The following CEP83 variants were observed in gnomAD, a reference collection of about 807,000 sequenced individuals.
CEP83 encodes centrosomal protein of 83 kDa.
CEP83 carries 70 observed loss-of-function variants against 101.9 expected under a neutral mutation model. The observed-to-expected ratio is 0.69, with a 90% CI of 0.57 to 0.84. CEP83 has a LOEUF of 0.84. CEP83 is among the 40% of genes least tolerant of loss of function. CEP83 has a pLI of 0.00. For missense variants in CEP83, 715 were observed against 787.2 expected, an observed-to-expected ratio of 0.91 and a Z score of 1.10; for synonymous variants, 264 against 267.9, an observed-to-expected ratio of 0.99 and a Z score of 0.14.
the CEP83 span, among the ~76,000 whole-genome samples, chr12:94,291,927 C>T: frequency 6.6e-6 from 1 of 152,168 alleles, no homozygotes; most frequent in Non-Finnish European, 1.5e-5. Context: ...CTTTTGGAGT[C>T]CCTCATGTCT....
intron 4 of CEP83, among the ~76,000 whole-genome samples, chr12:94,411,373 ACT>A (rs998574046): frequency 5.3e-5 from 8 of 151,986 alleles, no homozygotes; most frequent in Admixed American, 4.6e-4. Flanking sequence ...AATACTAGTA[ACT>A]CTTTTAAAAA....
At chr12:94,298,659 CTT>C in the CEP83 span, 1 of 1,601,588 alleles carries the variant, frequency 6.2e-7, no homozygotes, top group Non-Finnish European at 8.5e-7. Flanking sequence ...GCTTGAAAAA[CTT>C]TTTAGAAGCA....
intron 11 of CEP83, among the ~76,000 whole-genome samples, chr12:94,367,478 A>G (rs1488761338): frequency 6.6e-6 from 1 of 151,922 alleles, no homozygotes; most frequent in Non-Finnish European, 1.5e-5. Flanking sequence ...CAAAGTGTTC[A>G]TAAGTTCCAG....
At chr12:94,449,188 C>T (rs1187874263) in intron 1 of CEP83, among the ~76,000 whole-genome samples, 1 of 152,076 alleles carries the variant, frequency 6.6e-6, no homozygotes, top group Non-Finnish European at 1.5e-5. Flanking sequence ...AAATGGACTA[C>T]ACTTCCTAGA....
chr12:94,442,395 G>C (rs2066477448), intron 1 of CEP83, among the ~76,000 whole-genome samples: 1 of 152,114 alleles, frequency 6.6e-6, no homozygotes, highest in South Asian at 2.1e-4. Context: ...AGGGTTAAAA[G>C]ACTACACACC....
intron 11 of CEP83, among the ~76,000 whole-genome samples, chr12:94,337,025 G>GT (rs2059478386): frequency 6.6e-6 from 1 of 152,054 alleles, no homozygotes; most frequent in Non-Finnish European, 1.5e-5. Context: ...AACACTGTGG[G>GT]TCCCAGCTCA....
intron 11 of CEP83, among the ~76,000 whole-genome samples, chr12:94,365,647 G>A (rs2136985859): frequency 6.6e-6 from 1 of 151,794 alleles, no homozygotes; most frequent in South Asian, 2.1e-4. Context: ...ACATACACCT[G>A]TAATCTCAGC....
At chr12:94,303,913 G>C, downstream of CEP83, 1 of 1,608,714 alleles carries the variant, frequency 6.2e-7, no homozygotes, top group Non-Finnish European at 8.5e-7. Context: ...TTAGAAAGCA[G>C]AAATAAGCTT....
chr12:94,365,296 A>C (rs1425869350), intron 11 of CEP83, among the ~76,000 whole-genome samples: 1 of 152,228 alleles, frequency 6.6e-6, no homozygotes, highest in African/African-American at 2.4e-5. Context: ...AATGCAAATT[A>C]AACTACACTA....
chr12:94,280,404 AG>A, the CEP83 span, among the ~76,000 whole-genome samples: 1 of 152,214 alleles, frequency 6.6e-6, no homozygotes, highest in Non-Finnish European at 1.5e-5. Flanking sequence ...CTTGATGTAC[AG>A]TTATAGGCCT....
intron 14 of CEP83, among the ~76,000 whole-genome samples, chr12:94,315,568 G>C (rs935701353): frequency 2.0e-5 from 3 of 152,006 alleles, no homozygotes; most frequent in Admixed American, 2.0e-4. Context: ...TTAATAAAAA[G>C]ATTTTAATTT....
chr12:94,410,517 T>G (rs2063813605), intron 4 of CEP83, among the ~76,000 whole-genome samples: 1 of 152,158 alleles, frequency 6.6e-6, no homozygotes, highest in South Asian at 2.1e-4. Flanking sequence ...ATATAACTAC[T>G]CCAGCCTTCT....
chr12:94,271,726 G>A, the CEP83 span, among the ~76,000 whole-genome samples: 1 of 152,240 alleles, frequency 6.6e-6, no homozygotes, highest in South Asian at 2.1e-4. Context: ...CTGGTGTGAA[G>A]TAGGTGCTCA....
At chr12:94,404,592 T>C (rs892902594) in intron 4 of CEP83, among the ~76,000 whole-genome samples, 1 of 152,158 alleles carries the variant, frequency 6.6e-6, no homozygotes, top group African/African-American at 2.4e-5. Flanking sequence ...GCACTCTGGC[T>C]GGAAACAAAA....
chr12:94,287,868 T>C, the CEP83 span, among the ~76,000 whole-genome samples: 3 of 152,240 alleles, frequency 2.0e-5, no homozygotes, highest in Non-Finnish European at 4.4e-5. Context: ...TTCTAGGGCT[T>C]TGACCAACAG....
intron 2 of CEP83, among the ~76,000 whole-genome samples, chr12:94,413,572 T>C (rs1174627161): frequency 6.6e-6 from 1 of 152,166 alleles, no homozygotes; most frequent in Non-Finnish European, 1.5e-5. Flanking sequence ...CAAGGCAAGC[T>C]GCACCCAGAC....
At chr12:94,333,333 C>A in intron 13 of CEP83, 149 bp downstream of exon 13, 1 of 624,416 alleles carries the variant, frequency 1.6e-6, no homozygotes. Context: ...ACATAAAGTA[C>A]ATTATTACCT....
chr12:94,416,425 A>T (rs1216007520), intron 2 of CEP83, among the ~76,000 whole-genome samples: 1 of 152,134 alleles, frequency 6.6e-6, no homozygotes, highest in Non-Finnish European at 1.5e-5. Flanking sequence ...GCAACCAGGA[A>T]ACACCAATTA....
intron 1 of CEP83, among the ~76,000 whole-genome samples, chr12:94,455,946 G>A (rs962279382): frequency 3.0e-4 from 46 of 151,968 alleles, no homozygotes; most frequent in African/African-American, 1.1e-3. Flanking sequence ...CACTTGGGAG[G>A]CTGAGGCAGG....
Sources: allele counts gnomAD v4.1 joint callset (sites outside exome capture counted in the v4.1 genomes callset), GRCh38; gene constraint gnomAD v4.1.1; transcripts MANE v1.5; gene names NCBI Gene and HGNC (gene_info 2026-07-23, HGNC 2026-07-21).